The following ZC3H12B variants were observed in gnomAD, a reference collection of about 807,000 sequenced individuals.
The protein encoded by ZC3H12B is probable ribonuclease ZC3H12B.
Under a neutral mutation model 43.9 loss-of-function variants are expected in ZC3H12B, and 7 were observed. The ratio of observed to expected loss-of-function variants is 0.16; its 90% CI spans 0.09 to 0.30. ZC3H12B has a LOEUF of 0.30. ZC3H12B is among the 10% of genes least tolerant of loss of function. The probability of loss-of-function intolerance (pLI) is 1.00; values close to 1 mark genes in which losing one functional copy is unlikely to be tolerated. For synonymous variants in ZC3H12B, 222 were observed against 241.7 expected, an observed-to-expected ratio of 0.92 and a Z score of 0.76; for missense variants, 475 against 670.2, an observed-to-expected ratio of 0.71 and a Z score of 3.22.
At chrX:65,189,264 C>T in the ZC3H12B span, among the ~76,000 whole-genome samples, 1 of 99,678 alleles carries the variant, frequency 1.0e-5, no homozygotes, top group Non-Finnish European at 2.0e-5. Flanking sequence ...CATACGTGTG[C>T]ATGTGTCTTT....
intron 3 of ZC3H12B, among the ~76,000 whole-genome samples, chrX:65,413,610 G>A (rs2066928646): frequency 8.9e-6 from 1 of 112,085 alleles, no homozygotes; most frequent in African/African-American, 3.2e-5. Context: ...ACTTATTTCT[G>A]TACTCCCAAT....
At chrX:65,049,227 A>T in the ZC3H12B span, among the ~76,000 whole-genome samples, 1 of 110,908 alleles carries the variant, frequency 9.0e-6, no homozygotes, top group Non-Finnish European at 1.9e-5. Flanking sequence ...TTGGTGTCTT[A>T]TCCAAAAAAT....
chrX:65,077,702 C>G, the ZC3H12B span, among the ~76,000 whole-genome samples: 30 of 111,898 alleles, frequency 2.7e-4, no homozygotes, highest in African/African-American at 9.7e-4. Flanking sequence ...GAACATAGGC[C>G]AGAGAAGGCA....
chrX:65,193,230 G>T, the ZC3H12B span, among the ~76,000 whole-genome samples: 1 of 110,533 alleles, frequency 9.0e-6, no homozygotes, highest in Admixed American at 9.7e-5. Context: ...AGTTTAAGGA[G>T]GGTTGACATT....
the ZC3H12B span, among the ~76,000 whole-genome samples, chrX:65,159,011 A>G: frequency 7.2e-5 from 8 of 111,694 alleles, no homozygotes; most frequent in African/African-American, 2.6e-4. Flanking sequence ...TTTTCCCAGC[A>G]CCATTTATTA....
At chrX:65,048,688 T>A in the ZC3H12B span, among the ~76,000 whole-genome samples, 1 of 111,237 alleles carries the variant, frequency 9.0e-6, no homozygotes, top group African/African-American at 3.3e-5. Context: ...ACATATTGGG[T>A]CATCTCATAT....
chrX:65,306,521 C>A, the ZC3H12B span, among the ~76,000 whole-genome samples: 1 of 110,818 alleles, frequency 9.0e-6, no homozygotes, highest in Non-Finnish European at 1.9e-5. Context: ...TACAGGCACA[C>A]GCTGCCACGC....
At chrX:65,397,919 C>A (rs1184840425) in intron 2 of ZC3H12B, among the ~76,000 whole-genome samples, 1 of 111,870 alleles carries the variant, frequency 8.9e-6, no homozygotes, top group Non-Finnish European at 1.9e-5. Context: ...AACTGATAAA[C>A]AAATTTAATA....
chrX:65,445,720 T>C (rs1602451107), intron 3 of ZC3H12B, among the ~76,000 whole-genome samples: 2 of 112,270 alleles, frequency 1.8e-5, no homozygotes, highest in South Asian at 7.4e-4. Flanking sequence ...CAGCCAAGCT[T>C]ATGTCTTTCC....
At chrX:65,160,284 G>T in the ZC3H12B span, among the ~76,000 whole-genome samples, 3 of 112,015 alleles carry the variant, frequency 2.7e-5, no homozygotes, top group Admixed American at 9.5e-5. Flanking sequence ...CATAAAATGA[G>T]TTAGGGAGGA....
At chrX:65,197,410 A>C in the ZC3H12B span, among the ~76,000 whole-genome samples, 1 of 112,313 alleles carries the variant, frequency 8.9e-6, no homozygotes, top group Non-Finnish European at 1.9e-5. Flanking sequence ...AGTAAAATGT[A>C]AGAATTTGAA....
intron 2 of ZC3H12B, among the ~76,000 whole-genome samples, chrX:65,377,930 C>G (rs978592870): frequency 9.1e-6 from 1 of 110,371 alleles, no homozygotes; most frequent in South Asian, 3.9e-4. Context: ...AACCCCATCT[C>G]TACTAAAAAT....
chrX:65,384,393 G>A lies in ZC3H12B; in HGVS notation n.296-14200G>A, dbSNP rs1369924711. Among the ~76,000 whole-genome samples, 5 of 111,122 alleles carry A rather than the reference G, an allele frequency of 4.5e-5. No individual in the cohort carries two copies. The East Asian group carries it at 8.5e-4, about 19-fold the overall frequency. On this transcript the variant is annotated intron_variant and non_coding_transcript_variant, in intron 2 of 5. Transcript: ENST00000617377. The stretch of plus-strand genomic sequence containing the variant: ...GTGGGGTGTGGGGAGGGATAGCATT[G>A]GGAGATATACCTAATGCTAGATGAC...
chrX:65,448,649 T>A (rs2067414972), intron 3 of ZC3H12B, among the ~76,000 whole-genome samples: 1 of 110,124 alleles, frequency 9.1e-6, no homozygotes, highest in Admixed American at 9.8e-5. Flanking sequence ...AAACCCCATC[T>A]CTACTAAAAA....
chrX:65,341,124 G>C, the ZC3H12B span, among the ~76,000 whole-genome samples: 3 of 111,829 alleles, frequency 2.7e-5, no homozygotes, highest in African/African-American at 9.8e-5. Flanking sequence ...TTGAAGACTG[G>C]CTTTCTGAAA....
chrX:65,286,827 A>C, the ZC3H12B span, among the ~76,000 whole-genome samples: 24 of 110,944 alleles, frequency 2.2e-4, no homozygotes, highest in Non-Finnish European at 4.0e-4. Context: ...ACACATGTGA[A>C]AGTAAAGGGA....
chrX:65,138,902 T>C, the ZC3H12B span, among the ~76,000 whole-genome samples: 1 of 112,368 alleles, frequency 8.9e-6, no homozygotes, highest in Non-Finnish European at 1.9e-5. Context: ...GAGAAATGTC[T>C]ACTGAGATGC....
chrX:65,137,536 AG>A, the ZC3H12B span, among the ~76,000 whole-genome samples: 1 of 112,315 alleles, frequency 8.9e-6, no homozygotes, highest in African/African-American at 3.2e-5. Flanking sequence ...GCCACTCATA[AG>A]TAAACTGTAG....
At chrX:65,051,788 A>C in the ZC3H12B span, among the ~76,000 whole-genome samples, 1 of 110,539 alleles carries the variant, frequency 9.0e-6, no homozygotes, top group Admixed American at 9.7e-5. Context: ...TTTTTTAAGG[A>C]CACTTTGGCA....
Sources: gnomAD v4.1 joint callset for allele counts (sites outside exome capture counted in the v4.1 genomes callset) on GRCh38, gnomAD v4.1.1 for gene constraint, MANE v1.5 for transcripts, NCBI Gene and HGNC (gene_info 2026-07-23, HGNC 2026-07-21) for gene names.